Variants in NRG1 observed in about 807,000 individuals in gnomAD.
NRG1 encodes pro-neuregulin-1, membrane-bound isoform.
A neutral mutation model predicts 63.8 loss-of-function variants in NRG1; 18 were observed. That is an observed-to-expected ratio of 0.28 (90% CI 0.19 to 0.42). The LOEUF (loss-of-function observed/expected upper bound fraction) is 0.42. Ranked by LOEUF, NRG1 falls within the 10% of genes least tolerant of loss-of-function variation. NRG1 has a pLI of 1.00. For synonymous variants in NRG1, 302 were observed against 301.3 expected (o/e 1.00, Z -0.02); for missense variants, 762 against 814.7 (o/e 0.94, Z 0.79).
Position 32,071,642 on chromosome 8 carries a change from C to A in NRG1, c.37+432211C>A, listed in dbSNP as rs147531745. The stretch of plus-strand genomic sequence containing the variant: ...TGGAAATGTGGGCAGTGGGATGAGG[C>A]AATCAAACTGAGGTTTTCTTTCATG... On this transcript the variant is annotated intron_variant, in intron 1 of 10. Transcript: ENST00000519301. Among the ~76,000 whole-genome samples, 982 of 152,250 alleles carry A rather than the reference C, an allele frequency of 6.4e-3. 12 individuals carry two copies. Among genetic ancestry groups the A allele is most frequent in the African/African-American group, 0.023 (943 of 41,546 alleles).
At chr8:32,594,846 T>C (rs1048038315) in intron 1 of NRG1, among the ~76,000 whole-genome samples, 1 of 152,194 alleles carries the variant, frequency 6.6e-6, no homozygotes, top group Non-Finnish European at 1.5e-5. Context: ...CCATTCATTG[T>C]GTATGGGATA....
intron 1 of NRG1, among the ~76,000 whole-genome samples, chr8:32,396,688 T>C (rs1300444383): frequency 1.3e-5 from 2 of 152,186 alleles, no homozygotes; most frequent in Admixed American, 1.3e-4. Flanking sequence ...CCTCAGGTGG[T>C]CCACCTCCCT....
intron 1 of NRG1, among the ~76,000 whole-genome samples, chr8:32,424,534 C>A (rs2129486327): frequency 6.6e-6 from 1 of 152,254 alleles, no homozygotes; most frequent in Admixed American, 6.5e-5. Context: ...GTCAGGAGAT[C>A]TGGTTTAAGT....
intron 1 of NRG1, among the ~76,000 whole-genome samples, chr8:31,921,106 T>C (rs928469684): frequency 2.6e-5 from 4 of 152,206 alleles, no homozygotes; most frequent in African/African-American, 9.6e-5. Context: ...AAAATTACAA[T>C]ATGCAATACC....
intron 1 of NRG1, among the ~76,000 whole-genome samples, chr8:32,123,293 G>A (rs1369081721): frequency 3.3e-5 from 5 of 151,970 alleles, no homozygotes; most frequent in East Asian, 1.9e-4. Context: ...ATTGAATCAT[G>A]GGAGCAGGTC....
rs1843653898 is a variant in NRG1 at position 32,203,039 on chromosome 8, G to GACTCTCAAGTTGCAAGTGAT, written c.38-392785_38-392766dup. 6.6e-5 allele frequency among the ~76,000 whole-genome samples: 10 copies of GACTCTCAAGTTGCAAGTGAT among 151,970 alleles called. 1 individual carries two copies. In the South Asian group the frequency reaches 2.1e-3, roughly 32 times the overall value. On this transcript the variant is annotated intron_variant, in intron 1 of 10. Transcript: ENST00000519301. ...GTTTGATCTTTGTAAAACTACATAT[G>GACTCTCAAGTTGCAAGTGAT]ACTCTCAAGTTGCAAGTGATACTGT...
At chr8:32,635,878 T>G (rs1234214381) in intron 5 of NRG1, among the ~76,000 whole-genome samples, 1 of 152,206 alleles carries the variant, frequency 6.6e-6, no homozygotes. Flanking sequence ...TTTGAATCTT[T>G]TTTAGGGTGA....
intron 1 of NRG1, among the ~76,000 whole-genome samples, chr8:31,909,963 G>A (rs1283734131): frequency 2.0e-5 from 3 of 152,120 alleles, no homozygotes; most frequent in South Asian, 2.1e-4. Context: ...GCATTTATGC[G>A]ATTACATTCT....
intron 1 of NRG1, among the ~76,000 whole-genome samples, chr8:32,500,883 A>G (rs1264322631): frequency 6.6e-6 from 1 of 152,202 alleles, no homozygotes; most frequent in Non-Finnish European, 1.5e-5. Flanking sequence ...CATGTAATTA[A>G]TTCTTGTTTT....
At chr8:31,785,657 C>G (rs1324325020) in intron 1 of NRG1, among the ~76,000 whole-genome samples, 1 of 152,168 alleles carries the variant, frequency 6.6e-6, no homozygotes, top group Non-Finnish European at 1.5e-5. Context: ...TAACTTCATT[C>G]AGACACTTAA....
At chr8:31,686,714 C>T (rs1265432486) in intron 1 of NRG1, among the ~76,000 whole-genome samples, 3 of 151,880 alleles carry the variant, frequency 2.0e-5, no homozygotes, top group Non-Finnish European at 4.4e-5. Context: ...AAATTGGCTA[C>T]CTTTAGATTC....
intron 1 of NRG1, among the ~76,000 whole-genome samples, chr8:31,686,840 C>A (rs2131097114): frequency 6.6e-6 from 1 of 152,200 alleles, no homozygotes; most frequent in South Asian, 2.1e-4. Flanking sequence ...GCAATTTCTG[C>A]TCACTGCAAC....
At position 31,966,011 on chromosome 8, in the gene NRG1, T is replaced by G. The variant is rs754532093; in HGVS notation, c.37+326580T>G. Among the ~76,000 whole-genome samples the G allele has an allele frequency of 1.8e-4, 28 of 152,192 alleles. 1 individual carries two copies. Among genetic ancestry groups the G allele is most frequent in the Middle Eastern group, 3.4e-3 (1 of 294 alleles). ...GAGGATTGAAAGATGATCTATTGGATAAAATCTTAATTATTTGAGTGTATA... is the reference window on the plus strand; with the variant it reads ...GAGGATTGAAAGATGATCTATTGGAGAAAATCTTAATTATTTGAGTGTATA... On this transcript the variant is annotated intron_variant, in intron 1 of 10. Transcript: ENST00000519301.
rs192451221 is a variant in NRG1, at chr8:32,452,895, A to G, written c.38-142933A>G. 3.4e-3 allele frequency among the ~76,000 whole-genome samples: 523 copies of G among 152,318 alleles called. 3 individuals carry two copies. The highest frequency in any genetic ancestry group is 0.012 in the African/African-American group (513 of 41,572). The stretch of plus-strand genomic sequence containing the variant: ...TTCCCTTTAATAAGACATTTACTAC[A>G]AATAGACATCATTCCCATAGCAATC... On this transcript the variant is annotated intron_variant, in intron 1 of 10. Coordinates refer to the NRG1 transcript ENST00000519301.
At chr8:32,172,744 T>C (rs112462952) in intron 1 of NRG1, among the ~76,000 whole-genome samples, 2,969 of 152,214 alleles carry the variant, frequency 0.02, 92 homozygotes, top group African/African-American at 0.067. Flanking sequence ...GTATCAGTGA[T>C]GGAAGATGAA....
intron 1 of NRG1, among the ~76,000 whole-genome samples, chr8:32,165,219 G>T (rs1839273934): frequency 6.6e-6 from 1 of 151,616 alleles, no homozygotes; most frequent in Admixed American, 6.6e-5. Flanking sequence ...GTTCACTGCA[G>T]CCTTGAACTC....
chr8:32,527,748 A>T (rs1390750783), intron 1 of NRG1, among the ~76,000 whole-genome samples: 1 of 151,916 alleles, frequency 6.6e-6, no homozygotes, highest in Non-Finnish European at 1.5e-5. Context: ...CTAAAAACAC[A>T]CTCTGCCCAA....
chr8:32,555,523 G>C (rs1834957109), intron 1 of NRG1, among the ~76,000 whole-genome samples: 1 of 152,218 alleles, frequency 6.6e-6, no homozygotes, highest in Non-Finnish European at 1.5e-5. Flanking sequence ...CCAGGCTGGA[G>C]TGCAGTGGTG....
At chr8:32,327,188 C>G (rs1298278792) in intron 1 of NRG1, among the ~76,000 whole-genome samples, 1 of 152,154 alleles carries the variant, frequency 6.6e-6, no homozygotes, top group East Asian at 1.9e-4. Flanking sequence ...TTATTTGAAC[C>G]TGAATCAGAA....
Sources: gnomAD v4.1 joint callset for allele counts (sites outside exome capture counted in the v4.1 genomes callset) on GRCh38, gnomAD v4.1.1 for gene constraint, MANE v1.5 for transcripts, NCBI Gene and HGNC (gene_info 2026-07-23, HGNC 2026-07-21) for gene names.